DYNC1H1: variants seen among roughly 807,000 people sequenced by gnomAD.
DYNC1H1 encodes the protein dynein cytoplasmic 1 heavy chain 1.
A neutral mutation model predicts 527.1 loss-of-function variants in DYNC1H1; 51 were observed. The ratio of observed to expected loss-of-function variants is 0.10; its 90% CI spans 0.08 to 0.12. The LOEUF is 0.12. Among genes scored for constraint, DYNC1H1 ranks in the 10% least tolerant of loss-of-function variants. DYNC1H1 has a pLI of 1.00. For missense variants in DYNC1H1, 2,771 were observed against 5,971.8 expected, an observed-to-expected ratio of 0.46 and a Z score of 17.66; for synonymous variants, 2,189 against 2,278.8, an observed-to-expected ratio of 0.96 and a Z score of 1.12.
In DYNC1H1 at chr14:102,002,492, G is replaced by A; in HGVS notation, c.4543-45G>A. On this transcript the variant is annotated intron_variant, in intron 21 of 77. Coordinates refer to ENST00000360184, the MANE Select transcript of DYNC1H1 (RefSeq NM_001376.5). The surrounding 1 kb of genome is among the most constrained non-coding windows in gnomAD (Gnocchi z 4.4). ...TCAGTGAGTTTTGGCATATCTGTGAGTAGAAGGGTCAGCAGTTTACCTCTC... is the reference window on the plus strand; with the variant it reads ...TCAGTGAGTTTTGGCATATCTGTGAATAGAAGGGTCAGCAGTTTACCTCTC... 4.3e-6 allele frequency: 7 copies of A among 1,612,398 alleles called. No homozygotes were observed. The highest frequency in any genetic ancestry group is 2.7e-5 in the African/African-American group (2 of 75,032).
Position 102,010,938 on chromosome 14 carries a change from A to G in DYNC1H1, c.6604A>G (p.Met2202Val), listed in dbSNP as rs771240057. 4 of 1,614,088 alleles carry G rather than the reference A, an allele frequency of 2.5e-6. No homozygotes were observed. Among genetic ancestry groups the G allele is most frequent in the African/African-American group, 2.7e-5 (2 of 74,940 alleles). Reference sequence around the variant, plus strand: ...TGGAGATGGAGAAGAAGTTGGTGGAATGTGGGTTGAAAAGGTAACTTGGAT... The same window carrying G: ...TGGAGATGGAGAAGAAGTTGGTGGAGTGTGGGTTGAAAAGGTAACTTGGAT... ...TYGDGEEVGG[M>V]WVEKVLQLYQ... The change falls in exon 32 of 78, where the codon ATG (methionine) becomes GTG (valine). Residue 2202 changes from methionine to valine, a missense_variant. Physicochemically the swap from Met to Val is conservative, Grantham distance 21. Transcript: ENST00000360184. The surrounding 1 kb of genome is among the most constrained non-coding windows in gnomAD (Gnocchi z 6.0).
At chr14:102,034,645 C>T in intron 56 of DYNC1H1, 193 bp downstream of exon 56, 2 of 913,656 alleles carry the variant, frequency 2.2e-6, no homozygotes, top group Admixed American at 4.2e-5. Context: ...AGTTATTCTG[C>T]AGTGAATGCT....
intron 1 of DYNC1H1, among the ~76,000 whole-genome samples, chr14:101,968,454 G>C (rs2047693180): frequency 6.6e-6 from 1 of 151,870 alleles, no homozygotes. Flanking sequence ...GGCTGGTCTG[G>C]GACTTCAGGG....
In DYNC1H1 at chr14:102,016,878, G is replaced by T; in HGVS notation, c.7727G>T (p.Arg2576Leu). 6.2e-7 allele frequency: 1 copy of T among 1,614,184 alleles called. No individual in the cohort carries two copies. Among genetic ancestry groups the T allele is most frequent in the Non-Finnish European group, 8.5e-7 (1 of 1,180,042 alleles). The change falls in exon 38 of 78, where the codon CGC (arginine) becomes CTC (leucine). Residue 2576 changes from arginine to leucine, a missense_variant. Around this residue, in one of 32 missense-constraint regions of DYNC1H1, gnomAD observed 71 missense variants for 143.6 expected, o/e 0.49. Coordinates refer to ENST00000360184, the MANE Select transcript of DYNC1H1 (RefSeq NM_001376.5). The surrounding 1 kb of genome is among the most constrained non-coding windows in gnomAD (Gnocchi z 7.3). ...DVVVPTLDTV[R>L]HEALLYTWLA... Reference sequence around the variant, plus strand: ...GTCGTGCCAACGCTGGACACAGTCCGCCACGAAGCCCTCTTGTACACTTGG... The same window carrying T: ...GTCGTGCCAACGCTGGACACAGTCCTCCACGAAGCCCTCTTGTACACTTGG...
rs796183941 is a variant in DYNC1H1, at chr14:102,040,153, CTT to C, written c.11691-80_11691-79del. On this transcript the variant is annotated intron_variant, in intron 62 of 77. Transcript: ENST00000360184. ...AGCCACTGTGCCCGGCCTGTTTTCT[CTT>C]TTCTTAAATCACAGCTGTTATCTTA... 25 of 1,586,238 alleles carry C rather than the reference CTT, an allele frequency of 1.6e-5. No individual in the cohort carries two copies. In the African/African-American group the frequency reaches 3.1e-4, roughly 20 times the overall value.
At chr14:102,021,647 TTTC>T (rs1377075071) in intron 42 of DYNC1H1, among the ~76,000 whole-genome samples, 1 of 147,046 alleles carries the variant, frequency 6.8e-6, no homozygotes, top group African/African-American at 2.5e-5. Flanking sequence ...CCATTTCTTT[TTTC>T]TTTTTCTTTT....
In DYNC1H1 at chr14:102,036,436, T is replaced by A; in HGVS notation, c.10755-53T>A. 6.2e-7 allele frequency: 1 copy of A among 1,609,758 alleles called. No individual in the cohort carries two copies. The highest frequency in any genetic ancestry group is 8.5e-7 in the Non-Finnish European group (1 of 1,177,922). On this transcript the variant is annotated intron_variant, in intron 56 of 77. Transcript: ENST00000360184. The surrounding 1 kb of genome is among the most constrained non-coding windows in gnomAD (Gnocchi z 5.6). ...TCAGGGACTCGGCTAACCGTGATCC[T>A]GTGCTTTCCCCATTCGGTGTTTCAA...
At chr14:101,999,582 C>T (rs2048106850) in intron 16 of DYNC1H1, among the ~76,000 whole-genome samples, 1 of 152,184 alleles carries the variant, frequency 6.6e-6, no homozygotes, top group Non-Finnish European at 1.5e-5. Context: ...GGTGATTTCT[C>T]ATTCCTCTCT....
intron 1 of DYNC1H1, among the ~76,000 whole-genome samples, chr14:101,974,508 G>T (rs546406161): frequency 9.2e-5 from 14 of 152,232 alleles, no homozygotes; most frequent in African/African-American, 3.4e-4. Flanking sequence ...CATACAGTAC[G>T]TTATTGCAAA....
chr14:102,004,801 A>G lies in DYNC1H1; in HGVS notation c.5089A>G (p.Lys1697Glu). 2 of 1,614,230 alleles carry G rather than the reference A, an allele frequency of 1.2e-6. No individual in the cohort carries two copies. Among genetic ancestry groups the G allele is most frequent in the Non-Finnish European group, 1.7e-6 (2 of 1,180,032 alleles). Residue 1697 changes from lysine (K) to glutamate (E), a missense_variant, in exon 25 of 78, where the codon AAA (lysine) becomes GAA (glutamate). Physicochemically the swap from Lys to Glu is moderately conservative, Grantham distance 56. This residue lies in a region of DYNC1H1 where 105 missense variants were observed against 138.1 expected (regional missense o/e 0.76). Transcript: ENST00000360184. ...TCCTGTGTCAATTACTGAACATCCC[A>G]AAATCAATGAGTGGCTCACATTGGT... is the stretch of plus-strand genomic sequence containing the variant. ...KTPVSITEHPKINEWLTLVEK... is the reference protein window; with the variant it reads ...KTPVSITEHPEINEWLTLVEK...
At position 102,027,250 on chromosome 14, in the gene DYNC1H1, G is replaced by A. The variant is rs1321995457; in HGVS notation, c.8848G>A (p.Val2950Ile). The A allele has an allele frequency of 5.0e-6, 8 of 1,614,044 alleles. No homozygotes were observed. Among genetic ancestry groups the A allele is most frequent in the East Asian group, 2.2e-5 (1 of 44,874 alleles). Reference protein sequence around the residue: ...GAGKTTLSRFVAWMNGLSVYQ... With the variant: ...GAGKTTLSRFIAWMNGLSVYQ... ...AGGAAAAACTACCCTGTCTCGTTTC[G>A]TCGCCTGGATGAACGGTTTGAGTGT... Residue 2950 changes from valine (V) to isoleucine (I), a missense_variant, in exon 45 of 78, where the codon GTC (valine) becomes ATC (isoleucine). This residue lies in a region of DYNC1H1 where 84 missense variants were observed against 285.4 expected (regional missense o/e 0.29). Coordinates refer to ENST00000360184, the MANE Select transcript of DYNC1H1 (RefSeq NM_001376.5). The surrounding 1 kb of genome is among the most constrained non-coding windows in gnomAD (Gnocchi z 7.7).
At chr14:101,984,903 A>G (rs560821422) in intron 7 of DYNC1H1, among the ~76,000 whole-genome samples, 1 of 139,970 alleles carries the variant, frequency 7.1e-6, no homozygotes, top group Admixed American at 7.5e-5. Flanking sequence ...ACTGCATTCC[A>G]GCCTGGGCAA....
At position 102,039,465 on chromosome 14, in the gene DYNC1H1, C is replaced by T. The variant is rs762348270; in HGVS notation, c.11514C>T (p.Asn3838=). ...SLQFFLDIYH[N]VLYENPNLKG... ...AGTTTTTCCTGGACATTTATCACAACGTCCTATACGAGAACCCGAACCTGA... is the reference window on the plus strand; with the variant it reads ...AGTTTTTCCTGGACATTTATCACAATGTCCTATACGAGAACCCGAACCTGA... The change falls in exon 61 of 78, where the codon AAC becomes AAT. Residue 3838 remains asparagine (N), a synonymous_variant. Coordinates refer to ENST00000360184, the MANE Select transcript of DYNC1H1 (RefSeq NM_001376.5). The surrounding 1 kb of genome is among the most constrained non-coding windows in gnomAD (Gnocchi z 7.0). 63 of 1,614,140 alleles carry T rather than the reference C, an allele frequency of 3.9e-5. No homozygotes were observed. The highest frequency in any genetic ancestry group is 1.6e-4 in the Middle Eastern group (1 of 6,084).
At chr14:102,050,271 T>C (rs540431094) in intron 77 of DYNC1H1, 73 bp downstream of exon 77, 1 of 1,612,616 alleles carries the variant, frequency 6.2e-7, no homozygotes, top group East Asian at 2.2e-5. Context: ...CGGCTCCTCT[T>C]CTATGCCTGG....
chr14:102,042,903 A>G lies in DYNC1H1; in HGVS notation c.12513+155A>G, dbSNP rs17512860. On this transcript the variant is annotated intron_variant, in intron 69 of 77. Coordinates refer to ENST00000360184, the MANE Select transcript of DYNC1H1 (RefSeq NM_001376.5). The surrounding 1 kb of genome is among the most constrained non-coding windows in gnomAD (Gnocchi z 5.7). ...TCAGCTGTAGGTAAAATTTCCTTCCATGGCCGGGCACCGTGGCTCACACTG... is the reference window on the plus strand; with the variant it reads ...TCAGCTGTAGGTAAAATTTCCTTCCGTGGCCGGGCACCGTGGCTCACACTG... The G allele has an allele frequency of 0.02, 17,307 of 856,558 alleles. 731 individuals carry two copies. Among genetic ancestry groups the G allele is most frequent in the African/African-American group, 0.14 (8,503 of 59,890 alleles). The allele number at this position is 856,558 out of a possible 1,614,324, so 53.1% of individuals were successfully genotyped here. A position where few individuals can be genotyped will look rare whatever the true frequency, so the allele number is the denominator to read the frequency against.
Position 101,985,921 on chromosome 14 carries a change from G to A in DYNC1H1, c.1696G>A (p.Ala566Thr), listed in dbSNP as rs2047931731. 5.6e-6 allele frequency: 9 copies of A among 1,614,204 alleles called. No individual in the cohort carries two copies. Among genetic ancestry groups the A allele is most frequent in the East Asian group, 2.2e-5 (1 of 44,888 alleles). The change falls in exon 8 of 78, where the codon GCT becomes ACT. Residue 566 changes from alanine to threonine, a missense_variant. Around this residue, in one of 32 missense-constraint regions of DYNC1H1, gnomAD observed 264 missense variants for 619.4 expected, o/e 0.43. Coordinates refer to ENST00000360184, the MANE Select transcript of DYNC1H1 (RefSeq NM_001376.5). The surrounding 1 kb of genome is among the most constrained non-coding windows in gnomAD (Gnocchi z 5.9). The stretch of plus-strand genomic sequence containing the variant: ...CGACAGAGTGGAGACCCGGATCACC[G>A]CTCGCCTTCGGGATCAGCTTGGCAC... ...RIDRVETRIT[A>T]RLRDQLGTAK...
In DYNC1H1 at chr14:102,038,856, C is replaced by A. The variant is rs1567021075; in HGVS notation, c.11206+8C>A. ...ATCTTCTTAAACTTCAAGGTAGGAT[C>A]TGGACCTGTGGCTTTTAGATGGTTG... On this transcript the variant is annotated splice_region_variant and intron_variant, in intron 59 of 77. Coordinates refer to ENST00000360184, the MANE Select transcript of DYNC1H1 (RefSeq NM_001376.5). The surrounding 1 kb of genome is among the most constrained non-coding windows in gnomAD (Gnocchi z 7.2). 6.2e-7 allele frequency: 1 copy of A among 1,614,194 alleles called. No homozygotes were observed. Among genetic ancestry groups the A allele is most frequent in the Non-Finnish European group, 8.5e-7 (1 of 1,180,044 alleles).
chr14:102,044,457 G>A lies in DYNC1H1; in HGVS notation c.12868G>A (p.Gly4290Arg), dbSNP rs748643448. The A allele has an allele frequency of 1.1e-5, 17 of 1,614,074 alleles. No homozygotes were observed. Among genetic ancestry groups the A allele is most frequent in the African/African-American group, 8.0e-5 (6 of 74,934 alleles). The change falls in exon 71 of 78, where the codon GGA (glycine) becomes AGA (arginine). Residue 4290 changes from glycine to arginine, a missense_variant. Gly to Arg is a moderately radical substitution (Grantham distance 125). Coordinates refer to ENST00000360184, the MANE Select transcript of DYNC1H1 (RefSeq NM_001376.5). The surrounding 1 kb of genome is among the most constrained non-coding windows in gnomAD (Gnocchi z 7.1). ...SEFKLACKVD[G>R]HKDIQMPDGI... The stretch of plus-strand genomic sequence containing the variant: ...GTTTAAGCTGGCATGCAAGGTCGAC[G>A]GACATAAAGACATTCAAATGCCAGA...
Position 102,020,143 on chromosome 14 carries a change from G to T in DYNC1H1, c.8507+87G>T. 1.3e-6 allele frequency: 2 copies of T among 1,545,042 alleles called. No homozygotes were observed. The highest frequency in any genetic ancestry group is 8.8e-7 in the Non-Finnish European group (1 of 1,139,454). The stretch of plus-strand genomic sequence containing the variant: ...CGAAGCTGGGGTCTTTGCAGGGGTG[G>T]TCTGCCTAAGTTAGAGCCAGGTGGT... On this transcript the variant is annotated intron_variant, in intron 42 of 77. Coordinates refer to ENST00000360184, the MANE Select transcript of DYNC1H1 (RefSeq NM_001376.5). This position sits in a 1 kb window ranked among gnomAD's most constrained non-coding sequence, Gnocchi z 4.3.
Sources: allele counts gnomAD v4.1 joint callset (sites outside exome capture counted in the v4.1 genomes callset), GRCh38; gene constraint gnomAD v4.1.1; regional missense constraint gnomAD v4.1.1; non-coding constraint Gnocchi (gnomAD v3.1); transcripts MANE v1.5; gene names NCBI Gene and HGNC (gene_info 2026-07-23, HGNC 2026-07-21).